FBXO36: variants seen among roughly 807,000 people sequenced by gnomAD.
FBXO36 encodes the protein F-box protein 36.
A neutral mutation model predicts 17.0 loss-of-function variants in FBXO36; 18 were observed. The ratio of observed to expected loss-of-function variants is 1.06; its 90% CI spans 0.73 to 1.57. The LOEUF (loss-of-function observed/expected upper bound fraction) is 1.57, where lower values mean the gene tolerates loss of function less well. Among genes scored for constraint, FBXO36 ranks in the 40% most tolerant of loss-of-function variants. FBXO36 has a pLI of 0.00. For synonymous variants in FBXO36, 83 were observed against 85.3 expected, an observed-to-expected ratio of 0.97 and a Z score of 0.15; for missense variants, 229 against 221.9, an observed-to-expected ratio of 1.03 and a Z score of -0.20.
intron 2 of FBXO36, among the ~76,000 whole-genome samples, chr2:229,993,575 G>A (rs1376693648): frequency 1.3e-5 from 2 of 152,066 alleles, no homozygotes; most frequent in African/African-American, 2.4e-5. Context: ...ACAGGCAGGC[G>A]GTGATTTTAT....
chr2:229,930,842 T>A lies in FBXO36; in HGVS notation c.96+8233T>A, dbSNP rs147197907. ...CTGTGCTGGAGCCCTCCTCGAGGTG[T>A]GCTGTGGTTTTCCCTCCTGCTGTCA... On this transcript the variant is annotated intron_variant, in intron 1 of 3. Coordinates refer to ENST00000283946, the MANE Select transcript of FBXO36 (RefSeq NM_174899.5). Among the ~76,000 whole-genome samples, 1,151 of 152,278 alleles carry A rather than the reference T, an allele frequency of 7.6e-3. 8 individuals are homozygous for A. The highest frequency in any genetic ancestry group is 0.024 in the Middle Eastern group (7 of 294).
At chr2:229,979,824 A>G (rs1276054101) in intron 2 of FBXO36, among the ~76,000 whole-genome samples, 1 of 152,170 alleles carries the variant, frequency 6.6e-6, no homozygotes, top group Non-Finnish European at 1.5e-5. Context: ...TTGTTGGCTT[A>G]AGAACAACCA....
rs147287240 is a variant in FBXO36, at chr2:229,959,045, C to T, written c.97-17196C>T. Among the ~76,000 whole-genome samples, 1,257 of 152,274 alleles carry T rather than the reference C, an allele frequency of 8.3e-3. 26 individuals carry two copies. Among genetic ancestry groups the T allele is most frequent in the African/African-American group, 0.03 (1,228 of 41,560 alleles). ...GGATGCTCTCAAAGTCTCCTTTGTT[C>T]CTTCACACTGTAGAACACAGTGACA... On this transcript the variant is annotated intron_variant, in intron 1 of 3. Transcript: ENST00000283946.
intron 1 of FBXO36, among the ~76,000 whole-genome samples, chr2:229,928,118 A>T (rs1322534707): frequency 2.0e-5 from 3 of 152,236 alleles, no homozygotes; most frequent in East Asian, 3.8e-4. Flanking sequence ...GAGCAAGATT[A>T]TTGACCAAAG....
intron 2 of FBXO36, 62 bp downstream of exon 2, chr2:229,976,411 T>A: frequency 2.7e-6 from 3 of 1,127,702 alleles, no homozygotes; most frequent in Non-Finnish European, 4.0e-6. Flanking sequence ...GTAGATTTTG[T>A]TAAAGAAGTT....
At chr2:229,940,653 T>C (rs1371514441) in intron 1 of FBXO36, among the ~76,000 whole-genome samples, 2 of 152,152 alleles carry the variant, frequency 1.3e-5, no homozygotes, top group African/African-American at 4.8e-5. Context: ...GGTGTCCTTA[T>C]GTGAAGACAG....
At chr2:229,943,504 CCAAGTTAATAGATGTTTGGAGTT>C (rs1472580984) in intron 1 of FBXO36, among the ~76,000 whole-genome samples, 1 of 151,894 alleles carries the variant, frequency 6.6e-6, no homozygotes, top group Non-Finnish European at 1.5e-5. Context: ...CTGTGCAAGG[CCAAGTTAATAGATGTTTGGAGTT>C]CATAAATCAT....
chr2:229,924,372 CTT>C (rs2076892317), intron 1 of FBXO36, among the ~76,000 whole-genome samples: 1 of 152,340 alleles, frequency 6.6e-6, no homozygotes, highest in African/African-American at 2.4e-5. Context: ...GGATTATAGA[CTT>C]GAGCCACCGA....
intron 1 of FBXO36, among the ~76,000 whole-genome samples, chr2:229,963,225 C>T (rs1168096798): frequency 6.6e-6 from 1 of 151,728 alleles, no homozygotes; most frequent in Non-Finnish European, 1.5e-5. Context: ...GCCACCACAC[C>T]CAGCTAATTT....
intron 1 of FBXO36, among the ~76,000 whole-genome samples, chr2:229,969,965 A>G (rs1390004983): frequency 2.6e-5 from 4 of 152,332 alleles, no homozygotes; most frequent in Middle Eastern, 3.4e-3. Flanking sequence ...GTGAGACAGC[A>G]CTACTCACCT....
intron 1 of FBXO36, among the ~76,000 whole-genome samples, chr2:229,949,638 AT>A (rs1293862062): frequency 3.3e-5 from 5 of 152,074 alleles, no homozygotes; most frequent in African/African-American, 1.2e-4. Context: ...ATATTCCAAT[AT>A]TCTTTGCCAG....
intron 1 of FBXO36, among the ~76,000 whole-genome samples, chr2:229,946,637 T>C (rs964658002): frequency 1.3e-5 from 2 of 152,220 alleles, no homozygotes; most frequent in Non-Finnish European, 2.9e-5. Flanking sequence ...ATCAGTTTCT[T>C]AGCATCTCTT....
chr2:229,940,283 T>G (rs1384642529), intron 1 of FBXO36, among the ~76,000 whole-genome samples: 1 of 152,146 alleles, frequency 6.6e-6, no homozygotes, highest in East Asian at 1.9e-4. Flanking sequence ...GTTTCTTTTT[T>G]GGAGGGTGGT....
intron 1 of FBXO36, among the ~76,000 whole-genome samples, chr2:229,956,471 T>TA (rs2077088137): frequency 6.6e-6 from 1 of 152,202 alleles, no homozygotes; most frequent in Admixed American, 6.5e-5. Context: ...TTTAGAAGCT[T>TA]ATATGCTCTC....
chr2:229,966,281 C>T (rs1014008121), intron 1 of FBXO36, among the ~76,000 whole-genome samples: 3 of 151,942 alleles, frequency 2.0e-5, no homozygotes, highest in African/African-American at 7.3e-5. Context: ...GGATATTAGC[C>T]CTTTGTCAGA....
At chr2:229,964,242 C>T (rs1049328909) in intron 1 of FBXO36, among the ~76,000 whole-genome samples, 8 of 152,076 alleles carry the variant, frequency 5.3e-5, no homozygotes, top group Non-Finnish European at 1.0e-4. Context: ...GTAAAAATCA[C>T]TCTTTTCAGG....
rs2077413627 is a variant in FBXO36, at chr2:230,011,117, C to G, written c.*233C>G. 2.1e-6 allele frequency: 1 copy of G among 466,062 alleles called. No homozygotes were observed. Among genetic ancestry groups the G allele is most frequent in the African/African-American group, 1.9e-5 (1 of 51,512 alleles). The allele number at this position is 466,062 out of a possible 1,614,324, so 28.9% of individuals were successfully genotyped here. On this transcript the variant is annotated 3_prime_UTR_variant, in exon 4 of 4. Transcript: ENST00000283946. ...TGGCCCGAGGACAAGGGCTGTAAGACAGGGAGCCCCATAGGCCATCATCAT... is the reference window on the plus strand; with the variant it reads ...TGGCCCGAGGACAAGGGCTGTAAGAGAGGGAGCCCCATAGGCCATCATCAT...
At chr2:229,931,097 A>T (rs1055176461) in intron 1 of FBXO36, among the ~76,000 whole-genome samples, 30 of 152,218 alleles carry the variant, frequency 2.0e-4, no homozygotes, top group African/African-American at 7.2e-4. Context: ...ATTTCTTTTA[A>T]TTTTTTTAAG....
Position 229,955,142 on chromosome 2 carries a change from G to A in FBXO36, c.97-21099G>A, listed in dbSNP as rs977094083. Among the ~76,000 whole-genome samples the A allele has an allele frequency of 2.6e-5, 4 of 152,092 alleles. No individual in the cohort carries two copies. In the East Asian group the frequency reaches 5.8e-4, roughly 22 times the overall value. ...GTTGGGATTACAGGTGTGAGCCACC[G>A]CGCCCAGCCCGATCACCCTATTTAA... On this transcript the variant is annotated intron_variant, in intron 1 of 3. Transcript: ENST00000283946.
Sources: gnomAD v4.1 joint callset for allele counts (sites outside exome capture counted in the v4.1 genomes callset) on GRCh38, gnomAD v4.1.1 for gene constraint, MANE v1.5 for transcripts, NCBI Gene and HGNC (gene_info 2026-07-23, HGNC 2026-07-21) for gene names.